NCAN: variants seen among roughly 807,000 people sequenced by gnomAD.
The protein encoded by NCAN is neurocan core protein.
In NCAN, 47 loss-of-function variants were observed where a neutral mutation model predicts 121.8. The observed-to-expected ratio is 0.39, with a 90% confidence interval of 0.31 to 0.49. The LOEUF (loss-of-function observed/expected upper bound fraction) is 0.49, where lower values mean the gene tolerates loss of function less well. NCAN is among the 20% of genes least tolerant of loss of function. The probability of loss-of-function intolerance (pLI) is 0.92; values close to 1 mark genes in which losing one functional copy is unlikely to be tolerated. For synonymous variants in NCAN, 633 were observed against 702.0 expected, an observed-to-expected ratio of 0.90 and a Z score of 1.55; for missense variants, 1,517 against 1,773.4, an observed-to-expected ratio of 0.86 and a Z score of 2.60.
intron 3 of NCAN, among the ~76,000 whole-genome samples, chr19:19,220,450 C>CTTTTTTTT (rs71170607): frequency 4.5e-4 from 33 of 72,694 alleles, no homozygotes; most frequent in Admixed American, 6.8e-4. Flanking sequence ...TTAGGCAATT[C>CTTTTTTTT]TTTTTTTTTT....
intron 2 of NCAN, among the ~76,000 whole-genome samples, chr19:19,218,310 T>C (rs1235461055): frequency 6.6e-6 from 1 of 150,982 alleles, no homozygotes; most frequent in Non-Finnish European, 1.5e-5. Flanking sequence ...ATAATAATAA[T>C]AAGGGGCTGG....
intron 13 of NCAN, 84 bp from the exon 14 acceptor site, chr19:19,248,616 C>CTCT: frequency 7.0e-7 from 1 of 1,423,306 alleles, no homozygotes; most frequent in African/African-American, 1.4e-5. Context: ...CAGAGCGAAA[C>CTCT]TCTGTCTCAA....
At chr19:19,241,672 T>C (rs2060903805) in intron 12 of NCAN, among the ~76,000 whole-genome samples, 1 of 150,696 alleles carries the variant, frequency 6.6e-6, no homozygotes, top group Non-Finnish European at 1.5e-5. Context: ...CCCCCGTCTC[T>C]AAAAATATAA....
chr19:19,224,339 T>C lies in NCAN; in HGVS notation c.684T>C (p.Tyr228=). Residue 228 remains tyrosine (Y), a synonymous_variant, in exon 5 of 15, where the codon TAT becomes TAC. Transcript: ENST00000252575. ...TCACCCAGTCCCGTCCTGGTTGCTATGGCGACCGTAGCAGCCTTCCAGGGG... is the reference window on the plus strand; with the variant it reads ...TCACCCAGTCCCGTCCTGGTTGCTACGGCGACCGTAGCAGCCTTCCAGGGG... ...YPITQSRPGC[Y]GDRSSLPGVR... 2 of 1,614,066 alleles carry C rather than the reference T, an allele frequency of 1.2e-6. No homozygotes were observed. The highest frequency in any genetic ancestry group is 1.7e-6 in the Non-Finnish European group (2 of 1,179,952).
At chr19:19,238,115 C>T (rs1435526730) in intron 10 of NCAN, 138 bp from the exon 11 acceptor site, 11 of 1,058,100 alleles carry the variant, frequency 1.0e-5, no homozygotes, top group Admixed American at 2.0e-5. Flanking sequence ...GGAGGAGGGG[C>T]CAGGCATGGG....
At chr19:19,243,617 C>T (rs938255956) in intron 12 of NCAN, among the ~76,000 whole-genome samples, 1 of 152,152 alleles carries the variant, frequency 6.6e-6, no homozygotes, top group Non-Finnish European at 1.5e-5. Flanking sequence ...CACACCGCCT[C>T]TTGAACCCGG....
chr19:19,229,989 T>C (rs1234832570), intron 8 of NCAN, among the ~76,000 whole-genome samples: 3 of 152,136 alleles, frequency 2.0e-5, no homozygotes, highest in Non-Finnish European at 4.4e-5. Flanking sequence ...GAAATCAAAC[T>C]AACAAAACAA....
intron 4 of NCAN, 54 bp downstream of exon 4, chr19:19,224,249 T>C: frequency 6.3e-7 from 1 of 1,592,542 alleles, no homozygotes; most frequent in South Asian, 1.1e-5. Flanking sequence ...GGGAAGGAGG[T>C]TCCTTGGGGG....
rs1268561709 is a variant in NCAN at position 19,249,995 on chromosome 19, AAG to A, written c.*89_*90del. ...GGGGAGACAGAACCCAGAGAGAAAC[AAG>A]AGAGTCCAGAAGTCCCTGAACCCCA... On this transcript the variant is annotated 3_prime_UTR_variant, in exon 15 of 15. Coordinates refer to ENST00000252575, the MANE Select transcript of NCAN (RefSeq NM_004386.3). 1 of 1,431,678 alleles carries A rather than the reference AAG, an allele frequency of 7.0e-7. No individual in the cohort carries two copies. The highest frequency in any genetic ancestry group is 9.6e-7 in the Non-Finnish European group (1 of 1,038,004). The allele number at this position is 1,431,678 out of a possible 1,614,324, so 88.7% of individuals were successfully genotyped here.
chr19:19,247,542 C>T (rs184075435), intron 13 of NCAN, among the ~76,000 whole-genome samples: 9 of 152,192 alleles, frequency 5.9e-5, no homozygotes, highest in African/African-American at 9.6e-5. Flanking sequence ...TGTGAGCCAC[C>T]GCACCCGGCC....
chr19:19,233,784 T>TGCA lies in NCAN; in HGVS notation c.3020-3_3020-1dup, dbSNP rs2060870662. The TGCA allele has an allele frequency of 6.3e-7, 1 of 1,585,396 alleles. No individual in the cohort carries two copies. Among genetic ancestry groups the TGCA allele is most frequent in the Non-Finnish European group, 8.7e-7 (1 of 1,153,998 alleles). The stretch of plus-strand genomic sequence containing the variant: ...TCTTCCCCACACTACCCATCCATCC[T>TGCA]GCAGTGCACTCAGATCCCTGTGAGA... On this transcript the variant is annotated splice_polypyrimidine_tract_variant and splice_region_variant and intron_variant, in intron 8 of 14. Transcript: ENST00000252575.
intron 2 of NCAN, among the ~76,000 whole-genome samples, chr19:19,217,998 G>A (rs953931695): frequency 5.3e-5 from 8 of 151,084 alleles, no homozygotes; most frequent in African/African-American, 2.0e-4. Flanking sequence ...TAATAATAAG[G>A]CTGGGTGTAG....
Position 19,219,464 on chromosome 19 carries a change from G to A in NCAN, c.475+148G>A, listed in dbSNP as rs1407665647. On this transcript the variant is annotated intron_variant, in intron 3 of 14. Transcript: ENST00000252575. ...AATCCCAGCACTTTGGCAGGCCAAG[G>A]CGGGTGGATTGCTTGAGCACAGGAG... 8 of 871,194 alleles carry A rather than the reference G, an allele frequency of 9.2e-6. No homozygotes were observed. The Admixed American group carries it at 9.6e-5, about 11-fold the overall frequency. 54.0% of individuals were successfully genotyped at this position (871,194 alleles called of 1,614,324 possible). A position where few individuals can be genotyped will look rare whatever the true frequency, so the allele number is the denominator to read the frequency against.
At chr19:19,221,527 T>G (rs906721643) in intron 3 of NCAN, among the ~76,000 whole-genome samples, 1 of 147,444 alleles carries the variant, frequency 6.8e-6, no homozygotes, top group Non-Finnish European at 1.5e-5. Flanking sequence ...GAGATTGTGC[T>G]ATTGCACTCC....
At chr19:19,232,252 T>C (rs2060862826) in intron 8 of NCAN, among the ~76,000 whole-genome samples, 1 of 152,158 alleles carries the variant, frequency 6.6e-6, no homozygotes, top group South Asian at 2.1e-4. Flanking sequence ...TGGCGGGCAG[T>C]GCTGGGGAGA....
Position 19,224,404 on chromosome 19 carries a change from A to G in NCAN, c.749A>G (p.Asp250Gly). Reference sequence around the variant, plus strand: ...AGGCGCAACCCACAGGAACTCTACGATGTGTATTGCTTTGCCCGGGAGCTG... The same window carrying G: ...AGGCGCAACCCACAGGAACTCTACGGTGTGTATTGCTTTGCCCGGGAGCTG... ...YGRRNPQELY[D>G]VYCFARELGG... Residue 250 changes from aspartate to glycine, a missense_variant, in exon 5 of 15, where the codon GAT becomes GGT. By Grantham distance (94) the Asp-to-Gly change is moderately conservative. Coordinates refer to ENST00000252575, the MANE Select transcript of NCAN (RefSeq NM_004386.3). The G allele has an allele frequency of 6.2e-7, 1 of 1,613,872 alleles. No individual in the cohort carries two copies. Among genetic ancestry groups the G allele is most frequent in the Non-Finnish European group, 8.5e-7 (1 of 1,179,944 alleles).
chr19:19,248,175 T>G (rs371503276), intron 13 of NCAN, among the ~76,000 whole-genome samples: 14 of 151,950 alleles, frequency 9.2e-5, no homozygotes, highest in African/African-American at 3.4e-4. Context: ...CCAGGCACGG[T>G]GGCTCATGCC....
intron 8 of NCAN, chr19:19,232,761 C>T (rs1382051115): frequency 6.6e-6 from 1 of 152,118 alleles, no homozygotes; most frequent in Non-Finnish European, 1.5e-5. Flanking sequence ...TTGATTTAAG[C>T]GTGAATATCT....
chr19:19,240,847 C>T (rs4353576), intron 12 of NCAN, among the ~76,000 whole-genome samples, 162 bp downstream of exon 12: 3,902 of 152,274 alleles, frequency 0.026, 144 homozygotes, highest in African/African-American at 0.08. Flanking sequence ...GAAGGCTAAA[C>T]CTTCTCCCCT....
Sources: gnomAD v4.1 joint callset for allele counts (sites outside exome capture counted in the v4.1 genomes callset) on GRCh38, gnomAD v4.1.1 for gene constraint, MANE v1.5 for transcripts, NCBI Gene and HGNC (gene_info 2026-07-23, HGNC 2026-07-21) for gene names.